The following CEP76 variants were observed in gnomAD, a reference collection of about 807,000 sequenced individuals.
The protein encoded by CEP76 is centrosomal protein of 76 kDa.
In CEP76, 55 loss-of-function variants were observed where a neutral mutation model predicts 83.3. The ratio of observed to expected loss-of-function variants is 0.66; its 90% CI spans 0.53 to 0.83. The LOEUF is 0.83. Among genes scored for constraint, CEP76 ranks in the 40% least tolerant of loss-of-function variants. CEP76 has a pLI of 0.00. For missense variants in CEP76, 694 were observed against 799.5 expected (o/e 0.87, Z 1.59); for synonymous variants, 270 against 274.5 (o/e 0.98, Z 0.16).
At chr18:12,667,801 T>C (rs1684698039), downstream of CEP76, among the ~76,000 whole-genome samples, 1 of 148,190 alleles carries the variant, frequency 6.7e-6, no homozygotes, top group South Asian at 2.1e-4. Context: ...AATATAATAT[T>C]CACTTAACAC....
Position 12,681,256 on chromosome 18 carries a change from ATTT to A in CEP76, c.1123-431_1123-429del, listed in dbSNP as rs34816720. Among the ~76,000 whole-genome samples the A allele has an allele frequency of 7.9e-3, 906 of 115,322 alleles. 9 individuals are homozygous for A. The highest frequency in any genetic ancestry group is 0.025 in the African/African-American group (752 of 29,686). The allele number at this position is 115,322 out of a possible 152,430, so 75.7% of individuals were successfully genotyped here. A position where few individuals can be genotyped will look rare whatever the true frequency, so the allele number is the denominator to read the frequency against. On this transcript the variant is annotated intron_variant, in intron 8 of 11. Transcript: ENST00000262127. ...CACAACACAGAAAGAAAAGTAGAAC[ATTT>A]TTTTTTTTTTTTTTTTTTGAGACAG... is the stretch of plus-strand genomic sequence containing the variant.
Position 12,673,318 on chromosome 18 carries a change from T to C in CEP76, c.*47A>G. 6.4e-7 allele frequency: 1 copy of C among 1,565,202 alleles called. No individual in the cohort carries two copies. The highest frequency in any genetic ancestry group is 8.6e-7 in the Non-Finnish European group (1 of 1,163,808). ...AAATAGCTAAGTAATGTACAATGTG[T>C]AAAATTCCAATTAAACACAGGTATA... On this transcript the variant is annotated 3_prime_UTR_variant, in exon 12 of 12. Transcript: ENST00000262127.
intron 2 of CEP76, 110 bp from the exon 3 acceptor site, chr18:12,700,015 C>CTT: frequency 1.9e-6 from 1 of 533,518 alleles, no homozygotes; most frequent in Non-Finnish European, 3.2e-6. Context: ...GGGTAAGGCC[C>CTT]TTTCAAAGAA....
intron 5 of CEP76, 105 bp downstream of exon 5, chr18:12,697,118 A>T: frequency 2.5e-6 from 2 of 799,564 alleles, no homozygotes; most frequent in Non-Finnish European, 3.8e-6. Flanking sequence ...ATTCTATTTT[A>T]CAGGTTTCCC....
chr18:12,702,146 T>C lies in CEP76; in HGVS notation c.63+340A>G, dbSNP rs139085870. Among the ~76,000 whole-genome samples, 1,346 of 152,174 alleles carry C rather than the reference T, an allele frequency of 8.8e-3. 28 individuals are homozygous for C. The highest frequency in any genetic ancestry group is 0.03 in the African/African-American group (1,238 of 41,506). On this transcript the variant is annotated intron_variant, in intron 1 of 11. Coordinates refer to ENST00000262127, the MANE Select transcript of CEP76 (RefSeq NM_024899.4). ...CTCAAGAAAGAAAAAAAACCTGATATCTTACAGCAGAATATAAACCTCCAA... is the reference window on the plus strand; with the variant it reads ...CTCAAGAAAGAAAAAAAACCTGATACCTTACAGCAGAATATAAACCTCCAA...
chr18:12,675,753 C>G (rs1371087197), intron 10 of CEP76, among the ~76,000 whole-genome samples: 2 of 152,044 alleles, frequency 1.3e-5, no homozygotes, highest in African/African-American at 2.4e-5. Flanking sequence ...ACTGCAACCT[C>G]TGCCTCCCAG....
At chr18:12,667,130 T>A (rs1449723491) in intron 12 of CEP76, among the ~76,000 whole-genome samples, 1 of 152,158 alleles carries the variant, frequency 6.6e-6, no homozygotes, top group Non-Finnish European at 1.5e-5. Flanking sequence ...AAAATAGTGA[T>A]AAAAATCATT....
intron 6 of CEP76, among the ~76,000 whole-genome samples, chr18:12,693,688 CAGG>C (rs1397600233): frequency 2.0e-5 from 3 of 152,064 alleles, no homozygotes; most frequent in Non-Finnish European, 4.4e-5. Context: ...GAGACTGAGG[CAGG>C]AGAATTGCTT....
intron 1 of CEP76, 23 bp from the exon 2 acceptor site, chr18:12,701,136 A>G: frequency 1.3e-6 from 2 of 1,585,300 alleles, no homozygotes; most frequent in Non-Finnish European, 1.7e-6. Context: ...CTCATATTAC[A>G]ATTTATAACA....
rs562123000 is a variant in CEP76, at chr18:12,686,150, A to G, written c.1122+112T>C. ...ATCTACAGATACAGAACCTGTGGGT[A>G]CAGAGGGTTGACTATATGTGCATTT... is the stretch of plus-strand genomic sequence containing the variant. On this transcript the variant is annotated intron_variant, in intron 8 of 11. Coordinates refer to ENST00000262127, the MANE Select transcript of CEP76 (RefSeq NM_024899.4). The G allele has an allele frequency of 2.6e-5, 20 of 755,392 alleles. No homozygotes were observed. The South Asian group carries it at 3.2e-4, about 12-fold the overall frequency. 46.8% of individuals were successfully genotyped at this position (755,392 alleles called of 1,614,324 possible). A position where few individuals can be genotyped will look rare whatever the true frequency, so the allele number is the denominator to read the frequency against.
intron 11 of CEP76, among the ~76,000 whole-genome samples, chr18:12,674,050 G>T (rs1372395939): frequency 6.6e-6 from 1 of 151,932 alleles, no homozygotes; most frequent in African/African-American, 2.4e-5. Context: ...GACTATCTAG[G>T]GCTACATTTC....
Position 12,680,735 on chromosome 18 carries a change from C to T in CEP76, c.1216G>A (p.Val406Ile). Residue 406 changes from valine (V) to isoleucine (I), a missense_variant, in exon 9 of 12, where the codon GTA becomes ATA. Physicochemically the swap from Val to Ile is conservative, Grantham distance 29 (BLOSUM62 3). Transcript: ENST00000262127. ...FVCVGTKAKG[V>I]PHAWVMTCGT... Reference sequence around the variant, plus strand: ...CAAGTCATAACCCATGCATGAGGTACTCCTTTTGCCTTGGTCCCAACACAA... The same window carrying T: ...CAAGTCATAACCCATGCATGAGGTATTCCTTTTGCCTTGGTCCCAACACAA... 6.2e-7 allele frequency: 1 copy of T among 1,613,506 alleles called. No individual in the cohort carries two copies. Among genetic ancestry groups the T allele is most frequent in the Non-Finnish European group, 8.5e-7 (1 of 1,179,698 alleles).
downstream of CEP76, among the ~76,000 whole-genome samples, chr18:12,668,478 G>A (rs1598606721): frequency 6.6e-6 from 1 of 150,670 alleles, no homozygotes; most frequent in East Asian, 2.0e-4. Flanking sequence ...GTGTGCACCT[G>A]TGGTCCCAGC....
chr18:12,669,032 C>CTTT (rs71174122), downstream of CEP76, among the ~76,000 whole-genome samples: 488 of 41,892 alleles, frequency 0.012, 154 homozygotes, highest in Middle Eastern at 0.022. Context: ...ACCCCCCGCA[C>CTTT]TTTTTTTTTT....
At position 12,680,745 on chromosome 18, in the gene CEP76, C is replaced by G. The variant is rs868801486; in HGVS notation, c.1206G>C (p.Lys402Asn). ...CCCATGCATGAGGTACTCCTTTTGC[C>G]TTGGTCCCAACACAAACAAAGGCTT... ...GLEAFVCVGTKAKGVPHAWVM... is the reference protein window; with the variant it reads ...GLEAFVCVGTNAKGVPHAWVM... The change falls in exon 9 of 12, where the codon AAG becomes AAC. Residue 402 changes from lysine to asparagine, a missense_variant. By Grantham distance (94) the Lys-to-Asn change is moderately conservative. Transcript: ENST00000262127. 6.2e-7 allele frequency: 1 copy of G among 1,613,650 alleles called. No homozygotes were observed. Among genetic ancestry groups the G allele is most frequent in the Admixed American group, 1.7e-5 (1 of 59,942 alleles).
At chr18:12,663,404 C>G (rs1322452995) in intron 12 of CEP76, 1 of 152,236 alleles carries the variant, frequency 6.6e-6, no homozygotes, top group East Asian at 1.9e-4. Flanking sequence ...TTCCAAGTAG[C>G]TGGGACCACA....
At chr18:12,675,744 CTGCAACCT>C in intron 10 of CEP76, among the ~76,000 whole-genome samples, 1 of 152,082 alleles carries the variant, frequency 6.6e-6, no homozygotes, top group Non-Finnish European at 1.5e-5. Context: ...TCTCGGCTCA[CTGCAACCT>C]CTGCCTCCCA....
At chr18:12,677,005 A>G (rs997832369) in intron 10 of CEP76, among the ~76,000 whole-genome samples, 1 of 152,206 alleles carries the variant, frequency 6.6e-6, no homozygotes, top group African/African-American at 2.4e-5. Flanking sequence ...TATGTGTTAC[A>G]AACAACTTTT....
At chr18:12,690,362 C>T (rs2039707156) in intron 7 of CEP76, among the ~76,000 whole-genome samples, 1 of 152,138 alleles carries the variant, frequency 6.6e-6, no homozygotes. Flanking sequence ...CTACACTATA[C>T]TTATATGAAA....
Sources: gnomAD v4.1 joint callset for allele counts (sites outside exome capture counted in the v4.1 genomes callset) on GRCh38, gnomAD v4.1.1 for gene constraint, MANE v1.5 for transcripts, NCBI Gene and HGNC (gene_info 2026-07-23, HGNC 2026-07-21) for gene names.